The following TPPP2 variants were observed in gnomAD, a reference collection of about 807,000 sequenced individuals.
The protein encoded by TPPP2 is tubulin polymerization-promoting protein family member 2.
Under a neutral mutation model 13.0 loss-of-function variants are expected in TPPP2, and 8 were observed. The observed-to-expected ratio is 0.62, with a 90% CI of 0.36 to 1.11. TPPP2 has a LOEUF of 1.11. Among genes scored for constraint, TPPP2 ranks in the 50% most tolerant of loss-of-function variants. The probability of loss-of-function intolerance (pLI) is 0.02; values close to 1 mark genes in which losing one functional copy is unlikely to be tolerated. For missense variants in TPPP2, 213 were observed against 216.9 expected (o/e 0.98, Z 0.11); for synonymous variants, 81 against 81.8 (o/e 0.99, Z 0.05).
upstream of TPPP2, among the ~76,000 whole-genome samples, chr14:21,026,183 C>A (rs1318904718): frequency 6.6e-6 from 1 of 152,146 alleles, no homozygotes; most frequent in Admixed American, 6.5e-5. Flanking sequence ...GGAATGAGCT[C>A]TCCTTGTGCC....
upstream of TPPP2, among the ~76,000 whole-genome samples, chr14:21,026,488 C>T (rs527359612): frequency 6.7e-6 from 1 of 150,288 alleles, no homozygotes; most frequent in Admixed American, 6.6e-5. Flanking sequence ...CCTGCCCCCT[C>T]CTGCCTGGGA....
At chr14:21,036,133 C>A, downstream of TPPP2, 1 of 453,818 alleles carries the variant, frequency 2.2e-6, no homozygotes, top group South Asian at 1.6e-5. Context: ...AGTCACACAG[C>A]CCTGACAATC....
intron 3 of TPPP2, among the ~76,000 whole-genome samples, chr14:21,031,506 G>C (rs1337229012): frequency 6.6e-6 from 1 of 152,124 alleles, no homozygotes; most frequent in Non-Finnish European, 1.5e-5. Flanking sequence ...TTTAATCTCA[G>C]GCCTCCTGCC....
At chr14:21,025,721 C>T (rs1883504689), upstream of TPPP2, 6 of 984,328 alleles carry the variant, frequency 6.1e-6, no homozygotes, top group African/African-American at 1.8e-5. The surrounding 1 kb of genome is among the most constrained non-coding windows in gnomAD (Gnocchi z 5.1). Context: ...TCCGGCTGCT[C>T]CGGGAGAAGT....
rs1884074444 is a variant in TPPP2 at position 21,031,049 on chromosome 14, A to C, written c.211A>C (p.Lys71Gln). ...CCGAACCATCACGTTTCAACAGTTC[A>C]AAGAGGCAGTGAAGGAACTGGGCCA... The part of the protein sequence containing the change: ...NARTITFQQF[K>Q]EAVKELGQKR... The change falls in exon 3 of 4, where the codon AAA becomes CAA. Residue 71 changes from lysine to glutamine, a missense_variant. By Grantham distance (53) the Lys-to-Gln change is moderately conservative (BLOSUM62 1). Coordinates refer to ENST00000321760, the MANE Select transcript of TPPP2 (RefSeq NM_173846.5). 6.2e-7 allele frequency: 1 copy of C among 1,613,880 alleles called. No homozygotes were observed. Among genetic ancestry groups the C allele is most frequent in the South Asian group, 1.1e-5 (1 of 91,038 alleles).
At chr14:21,024,843 G>A in intron 1 of TPPP2, 1 of 985,746 alleles carries the variant, frequency 1.0e-6, no homozygotes, top group Non-Finnish European at 1.2e-6. Flanking sequence ...ACAACCTCGC[G>A]CGCACCCCAA....
upstream of TPPP2, chr14:21,025,518 G>T: frequency 1.0e-6 from 1 of 985,488 alleles, no homozygotes; most frequent in South Asian, 4.7e-5. The surrounding 1 kb of genome is among the most constrained non-coding windows in gnomAD (Gnocchi z 5.1). Flanking sequence ...CCCGAACACA[G>T]AGAACTAGAT....
At chr14:21,036,238 A>T (rs989761244), downstream of TPPP2, 2 of 456,250 alleles carry the variant, frequency 4.4e-6, no homozygotes, top group African/African-American at 4.0e-5. Context: ...CAACTCCAGT[A>T]AGACTCAACT....
chr14:21,035,301 A>T (rs1348060543), downstream of TPPP2, among the ~76,000 whole-genome samples: 1 of 152,216 alleles, frequency 6.6e-6, no homozygotes, highest in East Asian at 1.9e-4. Flanking sequence ...GGCAGTTTGG[A>T]TTTGAAAGCA....
At chr14:21,033,112 C>A, downstream of TPPP2, 1 of 404,058 alleles carries the variant, frequency 2.5e-6, no homozygotes, top group South Asian at 1.8e-5. Flanking sequence ...GCCAGTGAGC[C>A]AAGGTAAGAA....
chr14:21,036,170 C>A (rs1020091655), downstream of TPPP2: 9 of 456,190 alleles, frequency 2.0e-5, no homozygotes, highest in African/African-American at 1.8e-4. Context: ...CCCATCTCTT[C>A]CATTCTTATT....
Position 21,030,554 on chromosome 14 carries a change from G to A in TPPP2, c.-28G>A, listed in dbSNP as rs545280247. The A allele has an allele frequency of 4.7e-5, 76 of 1,607,044 alleles. No homozygotes were observed. In the South Asian group the frequency reaches 7.2e-4, roughly 15 times the overall value. Reference sequence around the variant, plus strand: ...TCCTTCACCCCCAAGTGTCTCCCACGACTGCCCTCCCCGACCTCTAGCTGA... The same window carrying A: ...TCCTTCACCCCCAAGTGTCTCCCACAACTGCCCTCCCCGACCTCTAGCTGA... On this transcript the variant is annotated 5_prime_UTR_variant, in exon 2 of 4. Transcript: ENST00000321760.
downstream of TPPP2, chr14:21,034,103 C>T (rs1566490569): frequency 1.9e-6 from 3 of 1,614,204 alleles, no homozygotes; most frequent in Admixed American, 5.0e-5. Flanking sequence ...AATTTTGCAT[C>T]TTGCCTCGCA....
chr14:21,025,232 C>CCGGGGGG (rs1883289028), upstream of TPPP2: 3 of 852,054 alleles, frequency 3.5e-6, no homozygotes, highest in African/African-American at 5.5e-5. The surrounding 1 kb of genome is among the most constrained non-coding windows in gnomAD (Gnocchi z 5.1). Context: ...TGTGCTGGGG[C>CCGGGGGG]CGGGGGGCGA....
At chr14:21,026,073 G>A (rs891080750), upstream of TPPP2, among the ~76,000 whole-genome samples, 1 of 151,978 alleles carries the variant, frequency 6.6e-6, no homozygotes, top group African/African-American at 2.4e-5. Flanking sequence ...AATGCCCGGG[G>A]GATGGTCTCA....
chr14:21,025,458 T>G, upstream of TPPP2: 1 of 985,492 alleles, frequency 1.0e-6, no homozygotes, highest in Non-Finnish European at 1.2e-6. This position sits in a 1 kb window ranked among gnomAD's most constrained non-coding sequence, Gnocchi z 5.1. Flanking sequence ...GAACCGGTAG[T>G]GGGGAGACGA....
At chr14:21,033,447 T>TCTGTTGCCATGGTGTGCCTGTTGCCAGGA, downstream of TPPP2, 3 of 306,518 alleles carry the variant, frequency 9.8e-6, no homozygotes, top group Non-Finnish European at 1.9e-5. Context: ...GACTCGGAGC[T>TCTGTTGCCATGGTGTGCCTGTTGCCAGGA]GGTGCCTGTT....
chr14:21,029,309 C>A (rs1883903108), upstream of TPPP2: 1 of 152,184 alleles, frequency 6.6e-6, no homozygotes, highest in African/African-American at 2.4e-5. Flanking sequence ...ATATTAAAAT[C>A]CTAACTCCCG....
chr14:21,025,686 C>T (rs1427124737), upstream of TPPP2: 3 of 982,116 alleles, frequency 3.1e-6, no homozygotes, highest in African/African-American at 5.3e-5. The surrounding 1 kb of genome is among the most constrained non-coding windows in gnomAD (Gnocchi z 5.1). Context: ...CCTCTCCTCT[C>T]TTTGCTGCGT....
Sources: allele counts gnomAD v4.1 joint callset (sites outside exome capture counted in the v4.1 genomes callset), GRCh38; gene constraint gnomAD v4.1.1; non-coding constraint Gnocchi (gnomAD v3.1); transcripts MANE v1.5; gene names NCBI Gene and HGNC (gene_info 2026-07-23, HGNC 2026-07-21).